The following TRAPPC9 variants were observed in gnomAD, a reference collection of about 807,000 sequenced individuals.
TRAPPC9 encodes the protein IKK2 binding protein.
Under a neutral mutation model 124.0 loss-of-function variants are expected in TRAPPC9, and 83 were observed. The observed-to-expected ratio is 0.67, with a 90% CI of 0.56 to 0.80. TRAPPC9 has a LOEUF of 0.80. TRAPPC9 is among the 30% of genes least tolerant of loss of function. TRAPPC9 has a pLI of 0.00. For synonymous variants in TRAPPC9, 638 were observed against 617.5 expected, an observed-to-expected ratio of 1.03 and a Z score of -0.49; for missense variants, 1,302 against 1,508.3, an observed-to-expected ratio of 0.86 and a Z score of 2.27.
At chr8:139,898,857 T>C (rs113704259) in intron 20 of TRAPPC9, among the ~76,000 whole-genome samples, 9,854 of 152,144 alleles carry the variant, frequency 0.065, 864 homozygotes, top group African/African-American at 0.2. Context: ...CAGTGGCTCA[T>C]GCCTGTAATC....
chr8:140,055,511 TC>T, intron 17 of TRAPPC9, among the ~76,000 whole-genome samples: 1 of 152,108 alleles, frequency 6.6e-6, no homozygotes, highest in East Asian at 1.9e-4. Context: ...GTAGTGGAAG[TC>T]CCAACCAGAA....
At chr8:140,347,777 T>A (rs1373967697) in intron 9 of TRAPPC9, among the ~76,000 whole-genome samples, 1 of 152,256 alleles carries the variant, frequency 6.6e-6, no homozygotes, top group Non-Finnish European at 1.5e-5. Flanking sequence ...AGTGTCGGAA[T>A]AATTTCTCTT....
At chr8:139,935,415 C>T (rs570756760) in intron 19 of TRAPPC9, among the ~76,000 whole-genome samples, 2 of 152,272 alleles carry the variant, frequency 1.3e-5, no homozygotes, top group East Asian at 1.9e-4. Context: ...TAAGAAAAAA[C>T]GTCTATCCCA....
Position 140,450,924 on chromosome 8 carries a change from G to C in TRAPPC9, c.450C>G (p.Asp150Glu), listed in dbSNP as rs2071431866. The C allele has an allele frequency of 6.2e-7, 1 of 1,614,042 alleles. No individual in the cohort carries two copies. Among genetic ancestry groups the C allele is most frequent in the South Asian group, 1.1e-5 (1 of 91,082 alleles). ...GCACGATGAACAGTGACTCGATGAA[G>C]TCCTCGATTCTCTTCTCCACCGTCT... ...DCQTVEKRIE[D>E]FIESLFIVLE... The change falls in exon 2 of 23, where the codon GAC becomes GAG. Residue 150 changes from aspartate to glutamate, a missense_variant. Asp to Glu is a conservative substitution (Grantham distance 45). This residue lies in a region of TRAPPC9 where 657 missense variants were observed against 811.2 expected (regional missense o/e 0.81). Coordinates refer to ENST00000438773, the MANE Select transcript of TRAPPC9 (RefSeq NM_001160372.4).
intron 18 of TRAPPC9, among the ~76,000 whole-genome samples, chr8:140,017,222 A>T (rs1839530868): frequency 1.3e-5 from 2 of 152,260 alleles, no homozygotes; most frequent in South Asian, 4.1e-4. Context: ...TGAAGTTTTT[A>T]ATTTTGATGA....
intron 21 of TRAPPC9, among the ~76,000 whole-genome samples, chr8:139,783,209 C>T (rs1821959432): frequency 1.3e-5 from 2 of 151,850 alleles, no homozygotes. Context: ...AAATAACAAA[C>T]AGAAAATCAA....
At chr8:140,278,126 G>A (rs1181391905) in intron 14 of TRAPPC9, among the ~76,000 whole-genome samples, 1 of 148,148 alleles carries the variant, frequency 6.8e-6, no homozygotes, top group African/African-American at 2.5e-5. Context: ...TTTTTTTTGA[G>A]ATAGTCTCGC....
At chr8:140,198,751 C>G (rs940857623) in intron 17 of TRAPPC9, among the ~76,000 whole-genome samples, 5 of 152,170 alleles carry the variant, frequency 3.3e-5, no homozygotes, top group Non-Finnish European at 7.3e-5. Context: ...TGGTTACAAT[C>G]GTATGGTGTC....
intron 4 of TRAPPC9, among the ~76,000 whole-genome samples, chr8:140,428,661 A>AG (rs1425089628): frequency 6.6e-6 from 1 of 152,150 alleles, no homozygotes; most frequent in African/African-American, 2.4e-5. Flanking sequence ...GTTTATATTT[A>AG]GGGGCATTAA....
At chr8:140,045,661 C>G (rs941115772) in intron 17 of TRAPPC9, among the ~76,000 whole-genome samples, 5 of 111,992 alleles carry the variant, frequency 4.5e-5, no homozygotes, top group Non-Finnish European at 8.9e-5. Context: ...AAAAAAAAAC[C>G]AAGTCAGGTC....
chr8:139,860,999 G>A (rs1309050281), intron 21 of TRAPPC9, among the ~76,000 whole-genome samples: 2 of 152,274 alleles, frequency 1.3e-5, no homozygotes, highest in East Asian at 3.8e-4. Context: ...GCGCCTACCG[G>A]CTTTCTGGCA....
At chr8:140,360,028 A>G (rs759648818) in intron 9 of TRAPPC9, 22 bp downstream of exon 9, 30 of 1,614,028 alleles carry the variant, frequency 1.9e-5, no homozygotes, top group Non-Finnish European at 2.5e-5. Flanking sequence ...GAAAAAAAAC[A>G]TTGTGGTTTG....
At chr8:140,256,038 A>T (rs2064247671) in intron 15 of TRAPPC9, among the ~76,000 whole-genome samples, 1 of 152,226 alleles carries the variant, frequency 6.6e-6, no homozygotes, top group Non-Finnish European at 1.5e-5. Flanking sequence ...AGTGAATCAT[A>T]TCCAATTATA....
intron 17 of TRAPPC9, among the ~76,000 whole-genome samples, chr8:140,187,083 AT>A (rs2062369137): frequency 2.0e-5 from 3 of 152,128 alleles, no homozygotes; most frequent in African/African-American, 7.2e-5. Flanking sequence ...AAGATTTGGG[AT>A]TTCTTCAGAT....
At chr8:140,025,650 T>C (rs1384625247) in intron 17 of TRAPPC9, among the ~76,000 whole-genome samples, 5 of 151,710 alleles carry the variant, frequency 3.3e-5, no homozygotes, top group East Asian at 3.9e-4. Context: ...TTAATATGTA[T>C]CTCACTAGAT....
At chr8:140,095,644 G>A (rs1337791850) in intron 17 of TRAPPC9, 1 of 152,150 alleles carries the variant, frequency 6.6e-6, no homozygotes, top group African/African-American at 2.4e-5. Flanking sequence ...TCACACTCGT[G>A]GAGAAATACT....
At chr8:140,191,043 TA>T (rs1421644278) in intron 17 of TRAPPC9, among the ~76,000 whole-genome samples, 3 of 152,084 alleles carry the variant, frequency 2.0e-5, no homozygotes, top group African/African-American at 7.2e-5. Context: ...GAGGCCAGAT[TA>T]GGAGAGGGTG....
chr8:140,181,266 T>A (rs1276114765), intron 17 of TRAPPC9, among the ~76,000 whole-genome samples: 3 of 152,072 alleles, frequency 2.0e-5, no homozygotes, highest in Admixed American at 1.3e-4. Context: ...TTTTGAGAGG[T>A]GGGGGGCATG....
chr8:139,868,699 G>A (rs981908182), intron 21 of TRAPPC9, among the ~76,000 whole-genome samples: 2 of 152,332 alleles, frequency 1.3e-5, no homozygotes, highest in South Asian at 2.1e-4. Context: ...CTACTCTGGA[G>A]ATTGTTGTAA....
Sources: gnomAD v4.1 joint callset for allele counts (sites outside exome capture counted in the v4.1 genomes callset) on GRCh38, gnomAD v4.1.1 for gene constraint, gnomAD v4.1.1 regional missense constraint, MANE v1.5 for transcripts, NCBI Gene and HGNC (gene_info 2026-07-23, HGNC 2026-07-21) for gene names.